The following CCSER1 variants were observed in gnomAD, a reference collection of about 807,000 sequenced individuals.
CCSER1 encodes the protein serine-rich coiled-coil domain-containing protein 1.
A neutral mutation model predicts 82.0 loss-of-function variants in CCSER1; 41 were observed. The ratio of observed to expected loss-of-function variants is 0.50; its 90% CI spans 0.39 to 0.65. The LOEUF (loss-of-function observed/expected upper bound fraction) is 0.65. CCSER1 is among the 30% of genes least tolerant of loss of function. The pLI, the probability that CCSER1 is intolerant of heterozygous loss-of-function variation, is 0.00. For missense variants in CCSER1, 1,119 were observed against 1,064.2 expected, an observed-to-expected ratio of 1.05 and a Z score of -0.72; for synonymous variants, 414 against 383.9, an observed-to-expected ratio of 1.08 and a Z score of -0.92.
intron 7 of CCSER1, among the ~76,000 whole-genome samples, chr4:90,774,907 T>C (rs1409462655): frequency 1.3e-5 from 2 of 152,088 alleles, no homozygotes; most frequent in African/African-American, 4.8e-5. Context: ...TAGGTAAGAG[T>C]ACAATCCTCA....
At chr4:91,117,344 T>C (rs1017208118) in intron 10 of CCSER1, among the ~76,000 whole-genome samples, 1 of 152,234 alleles carries the variant, frequency 6.6e-6, no homozygotes, top group Admixed American at 6.5e-5. Context: ...ATCTAGACTT[T>C]ACCTCTTATT....
chr4:90,557,622 C>G (rs1778291067), intron 5 of CCSER1, among the ~76,000 whole-genome samples: 1 of 152,024 alleles, frequency 6.6e-6, no homozygotes, highest in Non-Finnish European at 1.5e-5. Flanking sequence ...CCACTACTGA[C>G]TTTGTAGACA....
chr4:90,225,601 C>G (rs1320273881), intron 1 of CCSER1, among the ~76,000 whole-genome samples: 2 of 152,078 alleles, frequency 1.3e-5, no homozygotes, highest in East Asian at 3.9e-4. Context: ...GTCATAAGTG[C>G]TGGAACTAGT....
chr4:90,270,400 G>T (rs956802518), intron 1 of CCSER1, among the ~76,000 whole-genome samples: 20 of 152,040 alleles, frequency 1.3e-4, no homozygotes, highest in African/African-American at 4.3e-4. Context: ...CAAGATGAAG[G>T]ACAAACACCA....
intron 1 of CCSER1, among the ~76,000 whole-genome samples, chr4:90,208,377 C>T (rs535039045): frequency 2.6e-5 from 4 of 152,288 alleles, no homozygotes; most frequent in Non-Finnish European, 4.4e-5. Flanking sequence ...TGTCCCATGT[C>T]GACTTCAGAC....
intron 10 of CCSER1, among the ~76,000 whole-genome samples, chr4:91,349,009 C>T (rs1233356018): frequency 1.3e-5 from 2 of 152,046 alleles, no homozygotes; most frequent in Admixed American, 6.6e-5. Context: ...CCCGGGTTCA[C>T]GCCATTCTTC....
intron 10 of CCSER1, among the ~76,000 whole-genome samples, chr4:91,427,567 G>A (rs1754059085): frequency 3.9e-5 from 6 of 152,244 alleles, no homozygotes; most frequent in Admixed American, 3.9e-4. Context: ...TAGGCAGAGG[G>A]CCAGCTTCAC....
At chr4:90,631,402 C>T (rs1386948068) in intron 6 of CCSER1, among the ~76,000 whole-genome samples, 2 of 152,136 alleles carry the variant, frequency 1.3e-5, no homozygotes, top group African/African-American at 4.8e-5. Context: ...TATTTTTACA[C>T]TTTTGCTAAT....
chr4:90,850,741 C>T (rs1419219056), intron 8 of CCSER1, among the ~76,000 whole-genome samples: 1 of 152,158 alleles, frequency 6.6e-6, no homozygotes, highest in Admixed American at 6.5e-5. Flanking sequence ...AAAGGACTTG[C>T]CTTATCTCAA....
At chr4:91,089,009 G>A (rs910475240) in intron 10 of CCSER1, among the ~76,000 whole-genome samples, 5 of 152,012 alleles carry the variant, frequency 3.3e-5, no homozygotes, top group African/African-American at 1.2e-4. Flanking sequence ...GTAGCAGGAC[G>A]AGCCATGGAC....
At chr4:91,294,056 G>A (rs184604883) in intron 10 of CCSER1, among the ~76,000 whole-genome samples, 34 of 151,842 alleles carry the variant, frequency 2.2e-4, no homozygotes, top group Admixed American at 1.8e-3. Context: ...GTGGGTAGCT[G>A]TAATGGAATG....
At chr4:90,792,180 C>A (rs1755353438) in intron 7 of CCSER1, among the ~76,000 whole-genome samples, 1 of 152,058 alleles carries the variant, frequency 6.6e-6, no homozygotes, top group Non-Finnish European at 1.5e-5. Flanking sequence ...ATGTTGACAT[C>A]TCTGCTTTTT....
At chr4:90,385,729 C>T (rs1749934869) in intron 3 of CCSER1, among the ~76,000 whole-genome samples, 1 of 151,886 alleles carries the variant, frequency 6.6e-6, no homozygotes, top group Non-Finnish European at 1.5e-5. Context: ...TTGCATTTCC[C>T]TGATGGTTAG....
At position 90,299,242 on chromosome 4, in the gene CCSER1, A is replaced by T. The variant is rs1732623372; in HGVS notation, c.-41-9002A>T. Among the ~76,000 whole-genome samples, 6 of 151,736 alleles carry T rather than the reference A, an allele frequency of 4.0e-5. No individual in the cohort carries two copies. The South Asian group carries it at 1.2e-3, about 32-fold the overall frequency. On this transcript the variant is annotated intron_variant, in intron 1 of 10. Coordinates refer to ENST00000509176, the MANE Select transcript of CCSER1 (RefSeq NM_001145065.2). ...CACCACTCACCCTCTTTCTCTTTTT[A>T]TCTGGGGGATTGATTTATACAAATC...
chr4:90,938,991 A>G (rs1459313637), intron 9 of CCSER1, among the ~76,000 whole-genome samples: 2 of 152,124 alleles, frequency 1.3e-5, no homozygotes, highest in Admixed American at 1.3e-4. Flanking sequence ...AATTCTTTCT[A>G]TATGTAAATA....
chr4:90,479,974 C>A (rs1399329622), intron 5 of CCSER1, among the ~76,000 whole-genome samples: 1 of 152,180 alleles, frequency 6.6e-6, no homozygotes, highest in Non-Finnish European at 1.5e-5. Context: ...AATTGTTGAA[C>A]TAGTTTACAG....
chr4:90,806,532 G>T (rs776535162), intron 7 of CCSER1, among the ~76,000 whole-genome samples: 1 of 152,110 alleles, frequency 6.6e-6, no homozygotes, highest in African/African-American at 2.4e-5. Context: ...CCAAATCTCA[G>T]ATCCCATCTC....
chr4:91,094,942 A>G (rs1724354117), intron 10 of CCSER1, among the ~76,000 whole-genome samples: 1 of 152,206 alleles, frequency 6.6e-6, no homozygotes, highest in Admixed American at 6.5e-5. Flanking sequence ...GCAATCAGGT[A>G]TATACAGAAA....
At position 91,245,718 on chromosome 4, in the gene CCSER1, T is replaced by C. The variant is rs928521086; in HGVS notation, c.2217+159724T>C. Reference sequence around the variant, plus strand: ...ATATATTTTGTTTGTTTGTTTGAGATGGAGTTTCGCTCTTGTTGCCCAGGC... The same window carrying C: ...ATATATTTTGTTTGTTTGTTTGAGACGGAGTTTCGCTCTTGTTGCCCAGGC... On this transcript the variant is annotated intron_variant, in intron 10 of 10. Coordinates refer to ENST00000509176, the MANE Select transcript of CCSER1 (RefSeq NM_001145065.2). Among the ~76,000 whole-genome samples the C allele has an allele frequency of 3.3e-5, 5 of 151,982 alleles. 1 individual carries two copies. Among genetic ancestry groups the C allele is most frequent in the Non-Finnish European group, 5.9e-5 (4 of 68,020 alleles).
Sources: gnomAD v4.1 joint callset for allele counts (sites outside exome capture counted in the v4.1 genomes callset) on GRCh38, gnomAD v4.1.1 for gene constraint, MANE v1.5 for transcripts, NCBI Gene and HGNC (gene_info 2026-07-23, HGNC 2026-07-21) for gene names.